Variants in PDLIM5 observed in about 807,000 individuals in gnomAD.
The protein encoded by PDLIM5 is PDZ and LIM domain 5.
In PDLIM5, 34 loss-of-function variants were observed where a neutral mutation model predicts 64.2. That is an observed-to-expected ratio of 0.53 (90% CI 0.40 to 0.71). The LOEUF is 0.71. Ranked by LOEUF, PDLIM5 falls within the 30% of genes least tolerant of loss-of-function variation. The pLI is 0.00. For missense variants in PDLIM5, 683 were observed against 733.6 expected, an observed-to-expected ratio of 0.93 and a Z score of 0.80; for synonymous variants, 253 against 269.1, an observed-to-expected ratio of 0.94 and a Z score of 0.59.
chr4:94,602,406 A>G (rs1254364802), intron 7 of PDLIM5, among the ~76,000 whole-genome samples: 1 of 152,160 alleles, frequency 6.6e-6, no homozygotes, highest in African/African-American at 2.4e-5. Context: ...GGATGACCCA[A>G]ATTAACATTT....
chr4:94,663,991 G>C lies in PDLIM5; in HGVS notation c.1715G>C (p.Ser572Thr). The C allele has an allele frequency of 6.2e-7, 1 of 1,603,638 alleles. No homozygotes were observed. ...CTTCTTTTTCAGGTGTGTTGTGAAA[G>C]TTTGGAAGGTCAGACCTTTTTCTCC... The part of the protein sequence containing the change: ...TCFVCSVCCE[S>T]LEGQTFFSKK... Residue 572 changes from serine to threonine, a missense_variant, in exon 13 of 13, where the codon AGT becomes ACT. Coordinates refer to ENST00000317968, the MANE Select transcript of PDLIM5 (RefSeq NM_006457.5).
intron 7 of PDLIM5, chr4:94,611,120 C>T (rs1268645771): frequency 1.3e-6 from 2 of 1,532,176 alleles, no homozygotes; most frequent in Non-Finnish European, 1.7e-6. Flanking sequence ...TTTGCATCAG[C>T]CCTGTCTCCA....
chr4:94,487,804 A>C (rs956133325), intron 2 of PDLIM5, among the ~76,000 whole-genome samples: 1 of 152,050 alleles, frequency 6.6e-6, no homozygotes, highest in Non-Finnish European at 1.5e-5. Flanking sequence ...TTCTTAAGAA[A>C]CTTGAAAGGG....
At chr4:94,590,663 G>C (rs370020082) in intron 7 of PDLIM5, among the ~76,000 whole-genome samples, 2 of 152,162 alleles carry the variant, frequency 1.3e-5, no homozygotes, top group African/African-American at 4.8e-5. Context: ...GGAGTCAGCC[G>C]TGTGATGACT....
chr4:94,505,943 C>T (rs1728355447), intron 2 of PDLIM5, among the ~76,000 whole-genome samples: 1 of 152,190 alleles, frequency 6.6e-6, no homozygotes, highest in South Asian at 2.1e-4. Context: ...CAGCCCCCTT[C>T]CCTTCCTAGA....
intron 7 of PDLIM5, among the ~76,000 whole-genome samples, chr4:94,615,690 T>C (rs1254683767): frequency 6.6e-6 from 1 of 152,224 alleles, no homozygotes; most frequent in African/African-American, 2.4e-5. Flanking sequence ...AAATTCGTTG[T>C]GCGGCATTCC....
chr4:94,629,118 A>C (rs1301158288), intron 8 of PDLIM5, among the ~76,000 whole-genome samples: 1 of 152,140 alleles, frequency 6.6e-6, no homozygotes, highest in Non-Finnish European at 1.5e-5. Context: ...TGGGAAGCCA[A>C]GGCTGGCAGA....
At chr4:94,509,587 C>A (rs1728686237) in intron 2 of PDLIM5, among the ~76,000 whole-genome samples, 1 of 152,042 alleles carries the variant, frequency 6.6e-6, no homozygotes, top group South Asian at 2.1e-4. Context: ...AGGGACAGAA[C>A]TAATGGAATA....
chr4:94,465,162 C>G (rs577407137), intron 2 of PDLIM5, among the ~76,000 whole-genome samples: 3 of 152,166 alleles, frequency 2.0e-5, no homozygotes, highest in African/African-American at 7.2e-5. Context: ...CTTATCATCC[C>G]TAAAGCCCTA....
chr4:94,467,893 G>C, intron 2 of PDLIM5, among the ~76,000 whole-genome samples: 1 of 152,158 alleles, frequency 6.6e-6, no homozygotes, highest in East Asian at 1.9e-4. Flanking sequence ...TGGATATTCT[G>C]TAAGAAGCCA....
intron 2 of PDLIM5, among the ~76,000 whole-genome samples, chr4:94,476,885 G>A (rs1211417146): frequency 6.6e-6 from 1 of 152,176 alleles, no homozygotes; most frequent in Non-Finnish European, 1.5e-5. Context: ...TTAACAGTAT[G>A]CCTGTATTAT....
At position 94,456,090 on chromosome 4, in the gene PDLIM5, A is replaced by G. The variant is rs1037056011; in HGVS notation, c.96+706A>G. 44 of 866,018 alleles carry G rather than the reference A, an allele frequency of 5.1e-5. 1 individual carries two copies. Among genetic ancestry groups the G allele is most frequent in the African/African-American group, 1.7e-5 (1 of 58,192 alleles). 53.6% of individuals were successfully genotyped at this position (866,018 alleles called of 1,614,324 possible). A position where few individuals can be genotyped will look rare whatever the true frequency, so the allele number is the denominator to read the frequency against. On this transcript the variant is annotated intron_variant, in intron 2 of 12. Coordinates refer to ENST00000317968, the MANE Select transcript of PDLIM5 (RefSeq NM_006457.5). ...ATATGTCAGGTACTGTTTCACTTTC[A>G]TCACCAGTAGGTAATTATTACTATT...
chr4:94,624,325 AT>A (rs34560892), intron 8 of PDLIM5, among the ~76,000 whole-genome samples: 9,265 of 152,196 alleles, frequency 0.061, 313 homozygotes, highest in Non-Finnish European at 0.075. Context: ...TCTAAAAAAA[AT>A]GTGATAATTT....
chr4:94,506,247 A>G (rs1728387589), intron 2 of PDLIM5, among the ~76,000 whole-genome samples: 2 of 152,216 alleles, frequency 1.3e-5, no homozygotes, highest in African/African-American at 4.8e-5. Flanking sequence ...TCCTAGTATG[A>G]TATAATTTAT....
In PDLIM5 at chr4:94,585,735, A is replaced by G. The variant is rs1560721852; in HGVS notation, c.881A>G (p.His294Arg). 1.2e-6 allele frequency: 2 copies of G among 1,611,762 alleles called. No homozygotes were observed. Among genetic ancestry groups the G allele is most frequent in the South Asian group, 1.1e-5 (1 of 90,950 alleles). ...CTTGCCCAGATCACTGGGACTGAAC[A>G]TTGTAAGTGAACTTCTAGGTATCCT... Reference protein sequence around the residue: ...RILAQITGTEHLKESEADNTK... With the variant: ...RILAQITGTERLKESEADNTK... The change falls in exon 6 of 13, where the codon CAT becomes CGT. Residue 294 changes from histidine (H) to arginine (R), a missense_variant and splice_region_variant. Coordinates refer to ENST00000317968, the MANE Select transcript of PDLIM5 (RefSeq NM_006457.5).
At chr4:94,633,362 C>T (rs1740307823) in intron 8 of PDLIM5, among the ~76,000 whole-genome samples, 1 of 152,160 alleles carries the variant, frequency 6.6e-6, no homozygotes, top group Non-Finnish European at 1.5e-5. Flanking sequence ...ATTGTAAACT[C>T]ATAGACTTAG....
Position 94,482,728 on chromosome 4 carries a change from A to G in PDLIM5, c.96+27344A>G, listed in dbSNP as rs114952282. ...ACATAGTGAGACCCTGCTTCTACAA[A>G]AAATTAAAAAATTTGCTGAGCATGG... On this transcript the variant is annotated intron_variant, in intron 2 of 12. Transcript: ENST00000317968. 8.3e-3 allele frequency among the ~76,000 whole-genome samples: 1,267 copies of G among 152,134 alleles called. 15 individuals are homozygous for G. The highest frequency in any genetic ancestry group is 0.029 in the African/African-American group (1,204 of 41,490).
intron 2 of PDLIM5, among the ~76,000 whole-genome samples, chr4:94,523,181 TA>T (rs1729982408): frequency 6.6e-6 from 1 of 152,278 alleles, no homozygotes; most frequent in Non-Finnish European, 1.5e-5. Flanking sequence ...ACACCCAGTA[TA>T]AAAGATATTT....
At chr4:94,535,807 A>G (rs536864603) in intron 3 of PDLIM5, among the ~76,000 whole-genome samples, 1 of 148,742 alleles carries the variant, frequency 6.7e-6, no homozygotes, top group Non-Finnish European at 1.5e-5. Flanking sequence ...AGTGCTGGGC[A>G]CTGGCTTCTA....
Sources: allele counts gnomAD v4.1 joint callset (sites outside exome capture counted in the v4.1 genomes callset), GRCh38; gene constraint gnomAD v4.1.1; transcripts MANE v1.5; gene names NCBI Gene and HGNC (gene_info 2026-07-23, HGNC 2026-07-21).